The following SPATS2 variants were observed in gnomAD, a reference collection of about 807,000 sequenced individuals.
The protein encoded by SPATS2 is spermatogenesis-associated serine-rich protein 2.
A neutral mutation model predicts 63.7 loss-of-function variants in SPATS2; 38 were observed. The observed-to-expected ratio is 0.60, with a 90% CI of 0.46 to 0.78. The LOEUF (loss-of-function observed/expected upper bound fraction) is 0.78, where lower values mean the gene tolerates loss of function less well. Among genes scored for constraint, SPATS2 ranks in the 30% least tolerant of loss-of-function variants. The probability of loss-of-function intolerance (pLI) is 0.00; values close to 1 mark genes in which losing one functional copy is unlikely to be tolerated. For missense variants in SPATS2, 588 were observed against 666.2 expected, an observed-to-expected ratio of 0.88 and a Z score of 1.29; for synonymous variants, 207 against 232.9, an observed-to-expected ratio of 0.89 and a Z score of 1.01.
chr12:49,447,414 T>C (rs768841385), intron 2 of SPATS2, among the ~76,000 whole-genome samples: 2 of 151,992 alleles, frequency 1.3e-5, no homozygotes, highest in Admixed American at 1.3e-4. Context: ...AATTTTTGCG[T>C]TTTTAGTAGA....
intron 3 of SPATS2, among the ~76,000 whole-genome samples, chr12:49,476,841 C>T (rs959183204): frequency 1.4e-4 from 22 of 152,236 alleles, no homozygotes; most frequent in African/African-American, 5.1e-4. Context: ...CGCGGTGGCT[C>T]ACGCCTGTAA....
chr12:49,408,335 C>T (rs1944732823), intron 2 of SPATS2, among the ~76,000 whole-genome samples: 1 of 151,534 alleles, frequency 6.6e-6, no homozygotes, highest in Non-Finnish European at 1.5e-5. Context: ...TCACTGCAAC[C>T]TCCGTCTCCT....
Position 49,496,881 on chromosome 12 carries a change from C to CACA in SPATS2, c.575_576insACA (p.Thr192_Met193insHis). On this transcript the variant is annotated inframe_insertion, in exon 8 of 14. Transcript: ENST00000552918. ...TCTGATTTTGAGACCAAGTCTTTGA[C>CACA]TATGCACTCTATTCACAATTCTCAA... is the stretch of plus-strand genomic sequence containing the variant. 6.2e-7 allele frequency: 1 copy of CACA among 1,614,104 alleles called. No homozygotes were observed.
At chr12:49,381,298 A>G (rs1221849155) in intron 2 of SPATS2, among the ~76,000 whole-genome samples, 1 of 152,220 alleles carries the variant, frequency 6.6e-6, no homozygotes, top group Non-Finnish European at 1.5e-5. Context: ...CCATGAGTAC[A>G]TGTAGCATGC....
intron 5 of SPATS2, 120 bp from the exon 6 acceptor site, chr12:49,490,562 A>G: frequency 2.1e-6 from 2 of 931,428 alleles, no homozygotes; most frequent in Admixed American, 2.2e-5. Flanking sequence ...CCTTAACTTT[A>G]ACTTTTCTGT....
intron 2 of SPATS2, 90 bp downstream of exon 2, chr12:49,371,380 C>T (rs1943995369): frequency 6.6e-6 from 1 of 152,210 alleles, no homozygotes; most frequent in East Asian, 1.9e-4. Flanking sequence ...TAGCATATGT[C>T]AGAATCTTAT....
At chr12:49,514,843 G>C (rs1164333750) in intron 10 of SPATS2, among the ~76,000 whole-genome samples, 1 of 152,176 alleles carries the variant, frequency 6.6e-6, no homozygotes, top group Non-Finnish European at 1.5e-5. Context: ...GCAGAGTTCA[G>C]TGTATAAGAG....
intron 2 of SPATS2, among the ~76,000 whole-genome samples, chr12:49,453,531 G>T (rs1404071635): frequency 2.0e-5 from 3 of 152,004 alleles, no homozygotes; most frequent in Admixed American, 6.6e-5. Flanking sequence ...ATCAATTTGG[G>T]CTGGGCTCAG....
intron 2 of SPATS2, among the ~76,000 whole-genome samples, chr12:49,416,505 T>C: frequency 6.6e-6 from 1 of 152,062 alleles, no homozygotes; most frequent in Non-Finnish European, 1.5e-5. Context: ...TATTTTATTT[T>C]GAGATGGAGT....
rs200435044 is a variant in SPATS2 at position 49,510,096 on chromosome 12, A to AT, written c.840-4444dup. Among the ~76,000 whole-genome samples the AT allele has an allele frequency of 1.7e-3, 242 of 143,684 alleles. 1 individual carries two copies. Among genetic ancestry groups the AT allele is most frequent in the Middle Eastern group, 3.6e-3 (1 of 280 alleles). 94.3% of individuals were successfully genotyped at this position (143,684 alleles called of 152,430 possible). A position where few individuals can be genotyped will look rare whatever the true frequency, so the allele number is the denominator to read the frequency against. ...ACATAGTGAGACCCCCGCCTCTATA[A>AT]TTTTTTTTTTTTTTTAAATTAGCCA... On this transcript the variant is annotated intron_variant, in intron 9 of 13. Coordinates refer to ENST00000552918, the MANE Select transcript of SPATS2 (RefSeq NM_023071.4).
chr12:49,512,166 A>C (rs983000196), intron 9 of SPATS2, among the ~76,000 whole-genome samples: 5 of 152,214 alleles, frequency 3.3e-5, no homozygotes, highest in Non-Finnish European at 7.3e-5. Context: ...TAAAAATTTT[A>C]ATGGAGAATT....
rs759383482 is a variant in SPATS2, at chr12:49,526,112, A to C, written c.1495A>C (p.Thr499Pro). Reference sequence around the variant, plus strand: ...TGCTCCATCTCAGGCACCAGGAAACACCATTGAAAGAGGCCAGACTCACTC... The same window carrying C: ...TGCTCCATCTCAGGCACCAGGAAACCCCATTGAAAGAGGCCAGACTCACTC... ...QSAPSQAPGN[T>P]IERGQTHSAG... The change falls in exon 14 of 14, where the codon ACC becomes CCC. Residue 499 changes from threonine (T) to proline (P), a missense_variant. Physicochemically the swap from Thr to Pro is conservative, Grantham distance 38 (BLOSUM62 -1). Transcript: ENST00000552918. The C allele has an allele frequency of 1.2e-6, 2 of 1,614,174 alleles. No homozygotes were observed. The highest frequency in any genetic ancestry group is 1.7e-6 in the Non-Finnish European group (2 of 1,180,036).
intron 2 of SPATS2, among the ~76,000 whole-genome samples, chr12:49,412,802 G>T (rs984588597): frequency 9.2e-5 from 14 of 151,900 alleles, no homozygotes; most frequent in Middle Eastern, 6.8e-3. Flanking sequence ...AATATTTAAA[G>T]TTAGATTCAA....
chr12:49,517,788 TG>T (rs988490081), intron 10 of SPATS2, among the ~76,000 whole-genome samples: 2 of 152,210 alleles, frequency 1.3e-5, no homozygotes, highest in Non-Finnish European at 2.9e-5. Context: ...CTATATCACA[TG>T]GCCGTTTCAT....
At position 49,420,171 on chromosome 12, in the gene SPATS2, A is replaced by C. The variant is rs1300471637; in HGVS notation, c.-243-40599A>C. ...TCCTTAAACACGTAGATGGGTAGAA[A>C]AGGATGTTTCTTTCCCTTGAGCTTT... On this transcript the variant is annotated intron_variant, in intron 2 of 13. Coordinates refer to ENST00000552918, the MANE Select transcript of SPATS2 (RefSeq NM_023071.4). Among the ~76,000 whole-genome samples the C allele has an allele frequency of 2.6e-5, 4 of 152,352 alleles. No individual in the cohort carries two copies. In the East Asian group the frequency reaches 7.7e-4, roughly 29 times the overall value.
chr12:49,480,798 T>G (rs1041771028), intron 3 of SPATS2, among the ~76,000 whole-genome samples: 2 of 151,570 alleles, frequency 1.3e-5, no homozygotes, highest in Non-Finnish European at 2.9e-5. Flanking sequence ...GTTTTCTGTT[T>G]TTTTTTTTTA....
chr12:49,500,466 A>T (rs1488290834), intron 9 of SPATS2, among the ~76,000 whole-genome samples: 1 of 152,162 alleles, frequency 6.6e-6, no homozygotes, highest in Non-Finnish European at 1.5e-5. Context: ...TATAGAGTAG[A>T]TCATATACTT....
rs890506250 is a variant in SPATS2, at chr12:49,462,160, G to A, written c.25+1123G>A. The A allele has an allele frequency of 2.2e-5, 13 of 599,984 alleles. No homozygotes were observed. The African/African-American group carries it at 2.2e-4, about 10-fold the overall frequency. 37.2% of individuals were successfully genotyped at this position (599,984 alleles called of 1,614,324 possible). ...TAAAACTAGAGAGTCTTTATTTCAT[G>A]TCTGTGTTTTGCCAGAGCTGTAGAA... On this transcript the variant is annotated intron_variant, in intron 3 of 13. Coordinates refer to ENST00000552918, the MANE Select transcript of SPATS2 (RefSeq NM_023071.4).
chr12:49,430,556 T>C (rs569468252), intron 2 of SPATS2, among the ~76,000 whole-genome samples: 3 of 152,130 alleles, frequency 2.0e-5, no homozygotes, highest in Non-Finnish European at 4.4e-5. Context: ...TTGTTTTCCA[T>C]CATTATCTGC....
Sources: allele counts gnomAD v4.1 joint callset (sites outside exome capture counted in the v4.1 genomes callset), GRCh38; gene constraint gnomAD v4.1.1; transcripts MANE v1.5; gene names NCBI Gene and HGNC (gene_info 2026-07-23, HGNC 2026-07-21).